Variants in RTL1 observed in about 807,000 individuals in gnomAD.
RTL1 encodes the protein retrotransposon Gag like 1.
For synonymous variants in RTL1, 727 were observed against 748.4 expected (o/e 0.97, Z 0.47); for missense variants, 1,681 against 1,767.5 (o/e 0.95, Z 0.88).
chr14:100,884,052 G>T lies in RTL1; in HGVS notation c.737C>A (p.Ser246Tyr). 1.3e-6 allele frequency: 2 copies of T among 1,551,734 alleles called. No homozygotes were observed. Among genetic ancestry groups the T allele is most frequent in the Non-Finnish European group, 1.7e-6 (2 of 1,147,008 alleles). ...TTTGGCCCATTCTAATGCCAAGCCG[G>T]ACAGGTGATTGATGACATAGCCAAC... Reference protein sequence around the residue: ...LRVGYVINHLSGLALEWAKAL... With the variant: ...LRVGYVINHLYGLALEWAKAL... Residue 246 changes from serine to tyrosine, a missense_variant, in exon 4 of 4, where the codon TCC becomes TAC. Coordinates refer to ENST00000649591, the MANE Select transcript of RTL1 (RefSeq NM_001134888.3).
chr14:100,887,421 C>G (rs1384135285), intron 3 of RTL1, among the ~76,000 whole-genome samples: 1 of 152,176 alleles, frequency 6.6e-6, no homozygotes, highest in Non-Finnish European at 1.5e-5. Context: ...TCTGACTACT[C>G]TACCCAAGAC....
At position 100,882,084 on chromosome 14, in the gene RTL1, C is replaced by G; in HGVS notation, c.2705G>C (p.Cys902Ser). 6.3e-7 allele frequency: 1 copy of G among 1,592,336 alleles called. No homozygotes were observed. Among genetic ancestry groups the G allele is most frequent in the East Asian group, 2.3e-5 (1 of 43,872 alleles). The change falls in exon 4 of 4, where the codon TGC becomes TCC. Residue 902 changes from cysteine (C) to serine (S), a missense_variant. Physicochemically the swap from Cys to Ser is moderately radical, Grantham distance 112. Coordinates refer to ENST00000649591, the MANE Select transcript of RTL1 (RefSeq NM_001134888.3). ...QIDDQTGKRA[C>S]CAFYSRNISP... The stretch of plus-strand genomic sequence containing the variant: ...GATGTTGCGGGAGTAGAAAGCGCAG[C>G]AGGCTCTCTTGCCGGTTTGGTCGTC...
At chr14:100,900,505 G>A (rs1339537037) in intron 2 of RTL1, among the ~76,000 whole-genome samples, 1 of 152,208 alleles carries the variant, frequency 6.6e-6, no homozygotes, top group East Asian at 1.9e-4. Flanking sequence ...AGCTGTCCAG[G>A]TCTCTGCAAT....
chr14:100,890,306 TG>T (rs968150942), intron 3 of RTL1, among the ~76,000 whole-genome samples: 10 of 144,154 alleles, frequency 6.9e-5, no homozygotes, highest in South Asian at 4.9e-4. Context: ...GGGTTGGGTG[TG>T]GGGGGGGCCA....
chr14:100,884,571 A>C lies in RTL1; in HGVS notation c.218T>G (p.Leu73Arg), dbSNP rs2038670305. 4 of 1,613,296 alleles carry C rather than the reference A, an allele frequency of 2.5e-6. No individual in the cohort carries two copies. The highest frequency in any genetic ancestry group is 1.7e-5 in the Admixed American group (1 of 60,016). ...GGATGGCTCCTCCATGTCTTGGAGT[A>C]GATCAGTGGGCAGCTCTTCCATTTC... ...LQEMEELPTD[L>R]LQDMEEPSSG... The change falls in exon 4 of 4, where the codon CTA becomes CGA. Residue 73 changes from leucine to arginine, a missense_variant. Coordinates refer to ENST00000649591, the MANE Select transcript of RTL1 (RefSeq NM_001134888.3).
intron 3 of RTL1, among the ~76,000 whole-genome samples, chr14:100,887,899 T>C (rs997141664): frequency 6.6e-6 from 1 of 152,048 alleles, no homozygotes; most frequent in African/African-American, 2.4e-5. Context: ...AAACATGCTT[T>C]GTCTATAAAT....
intron 2 of RTL1, among the ~76,000 whole-genome samples, chr14:100,901,069 C>A (rs901295423): frequency 6.6e-6 from 1 of 152,330 alleles, no homozygotes; most frequent in South Asian, 2.1e-4. Context: ...TGCTGCCCCC[C>A]CACGGCGGGT....
At chr14:100,891,360 C>T (rs1402872909) in intron 3 of RTL1, among the ~76,000 whole-genome samples, 1 of 152,182 alleles carries the variant, frequency 6.6e-6, no homozygotes, top group African/African-American at 2.4e-5. Flanking sequence ...CGGACTTCAT[C>T]GTAGTGATGG....
rs549437314 is a variant in RTL1, at chr14:100,882,677, C to G, written c.2112G>C (p.Ala704=). ...LEEMKSYQPF[A]LSPDPIIPQN... is the part of the protein sequence containing the mutation. ...GAGGTATGATAGGGTCTGGGGAGAG[C>G]GCAAACGGCTGGTAGCTCTTCATCT... The change falls in exon 4 of 4, where the codon GCG becomes GCC. Residue 704 remains alanine, a synonymous_variant. Transcript: ENST00000649591. 1.3e-6 allele frequency: 2 copies of G among 1,551,974 alleles called. No homozygotes were observed. The highest frequency in any genetic ancestry group is 1.2e-5 in the South Asian group (1 of 84,058).
At chr14:100,890,075 A>G (rs78836439) in intron 3 of RTL1, among the ~76,000 whole-genome samples, 77 of 5,834 alleles carry the variant, frequency 0.013, 1 homozygote, top group Non-Finnish European at 0.018. Flanking sequence ...GCCTTATTTG[A>G]AAAAAAAAAA....
At position 100,891,926 on chromosome 14, in the gene RTL1, G is replaced by C. The variant is rs138879972; in HGVS notation, c.-87+1518C>G. Among the ~76,000 whole-genome samples the C allele has an allele frequency of 5.3e-5, 8 of 152,272 alleles. 1 individual carries two copies. In the South Asian group the frequency reaches 1.7e-3, roughly 32 times the overall value. On this transcript the variant is annotated intron_variant, in intron 3 of 3. Transcript: ENST00000649591. The stretch of plus-strand genomic sequence containing the variant: ...GGGTTCCTAAGAGGTGCCTGCGGGG[G>C]TCCCTGGGAAACAGTAATGAGAGGA...
intron 3 of RTL1, among the ~76,000 whole-genome samples, chr14:100,886,019 TG>T (rs1462592555): frequency 6.6e-6 from 1 of 152,106 alleles, no homozygotes; most frequent in African/African-American, 2.4e-5. Context: ...AATCTAGTGT[TG>T]GGTGGTTTTA....
At position 100,882,090 on chromosome 14, in the gene RTL1, C is replaced by G. The variant is rs750723968; in HGVS notation, c.2699G>C (p.Arg900Thr). 7 of 1,585,156 alleles carry G rather than the reference C, an allele frequency of 4.4e-6. No homozygotes were observed. The highest frequency in any genetic ancestry group is 6.0e-6 in the Non-Finnish European group (7 of 1,165,112). Residue 900 changes from arginine (R) to threonine (T), a missense_variant, in exon 4 of 4, where the codon AGA becomes ACA. By Grantham distance (71) the Arg-to-Thr change is moderately conservative. Coordinates refer to ENST00000649591, the MANE Select transcript of RTL1 (RefSeq NM_001134888.3). The stretch of plus-strand genomic sequence containing the variant: ...GCGGGAGTAGAAAGCGCAGCAGGCT[C>G]TCTTGCCGGTTTGGTCGTCGATTTG... The part of the protein sequence containing the change: ...LIQIDDQTGK[R>T]ACCAFYSRNI...
intron 3 of RTL1, among the ~76,000 whole-genome samples, chr14:100,891,764 G>A (rs1403740058): frequency 6.6e-6 from 1 of 152,214 alleles, no homozygotes; most frequent in Admixed American, 6.5e-5. Context: ...AAGTGGGCAG[G>A]GACAGGTCTG....
At chr14:100,895,235 T>C (rs190794525) in intron 2 of RTL1, among the ~76,000 whole-genome samples, 3 of 152,136 alleles carry the variant, frequency 2.0e-5, no homozygotes, top group Admixed American at 6.5e-5. Flanking sequence ...CGTGGGGACA[T>C]CTGGGATGGG....
intron 3 of RTL1, among the ~76,000 whole-genome samples, chr14:100,889,175 C>A (rs2038734304): frequency 6.6e-6 from 1 of 152,164 alleles, no homozygotes; most frequent in Admixed American, 6.5e-5. Context: ...AGATTTCTTC[C>A]CAGGAAACTC....
chr14:100,886,919 C>T (rs904408712), intron 3 of RTL1, among the ~76,000 whole-genome samples: 3 of 152,108 alleles, frequency 2.0e-5, no homozygotes, highest in African/African-American at 7.2e-5. Context: ...TTTACAAATT[C>T]GACCATGTGA....
At chr14:100,897,787 G>GGGGGGGGT (rs2038888289) in intron 2 of RTL1, 1 of 165,364 alleles carries the variant, frequency 6.0e-6, no homozygotes, top group Admixed American at 6.4e-5. Context: ...GCGGGGGGGG[G>GGGGGGGGT]CAGTGAATTG....
At chr14:100,897,862 A>C (rs1307218202) in intron 2 of RTL1, 9 of 429,964 alleles carry the variant, frequency 2.1e-5, no homozygotes, top group Non-Finnish European at 2.9e-5. Context: ...AGTGTTTATG[A>C]CATTATTATA....
Sources: allele counts gnomAD v4.1 joint callset (sites outside exome capture counted in the v4.1 genomes callset), GRCh38; gene constraint gnomAD v4.1.1; transcripts MANE v1.5; gene names NCBI Gene and HGNC (gene_info 2026-07-23, HGNC 2026-07-21).